FSD2: variants seen among roughly 807,000 people sequenced by gnomAD.
FSD2 encodes the protein fibronectin type III and SPRY domain containing 2, also known as fibronectin type III and SPRY domain-containing protein 2.
FSD2 carries 71 observed loss-of-function variants against 80.4 expected under a neutral mutation model. The observed-to-expected ratio is 0.88, with a 90% CI of 0.73 to 1.08. The LOEUF is 1.08. Ranked by LOEUF, FSD2 falls within the 50% of genes least tolerant of loss-of-function variation. The probability of loss-of-function intolerance (pLI) is 0.00; values close to 1 mark genes in which losing one functional copy is unlikely to be tolerated. For synonymous variants in FSD2, 361 were observed against 329.5 expected (o/e 1.10, Z -1.03); for missense variants, 923 against 913.8 (o/e 1.01, Z -0.13).
chr15:82,790,756 T>TG (rs2050127932), intron 1 of FSD2, among the ~76,000 whole-genome samples: 2 of 148,228 alleles, frequency 1.3e-5, no homozygotes, highest in African/African-American at 5.0e-5. Flanking sequence ...TTTTTTTTTT[T>TG]TTGTATTTTT....
rs766629023 is a variant in FSD2, at chr15:82,759,322, G to T, written c.*26C>A. The T allele has an allele frequency of 2.5e-6, 4 of 1,608,054 alleles. No individual in the cohort carries two copies. The East Asian group carries it at 6.7e-5, about 27-fold the overall frequency. ...AGCTGCGAGAGGGGTAGGCATGGAA[G>T]ACAGGAAACTGGACATCAGAATGTT... is the stretch of plus-strand genomic sequence containing the variant. On this transcript the variant is annotated 3_prime_UTR_variant, in exon 13 of 13. Coordinates refer to ENST00000334574, the MANE Select transcript of FSD2 (RefSeq NM_001007122.4).
At chr15:82,773,151 TC>T (rs955041485) in intron 6 of FSD2, among the ~76,000 whole-genome samples, 1 of 152,202 alleles carries the variant, frequency 6.6e-6, no homozygotes, top group Non-Finnish European at 1.5e-5. Flanking sequence ...CCCGGTCCTT[TC>T]CTCCATAATC....
At chr15:82,804,585 A>G (rs2151548900) in intron 1 of FSD2, among the ~76,000 whole-genome samples, 1 of 152,310 alleles carries the variant, frequency 6.6e-6, no homozygotes, top group East Asian at 1.9e-4. Flanking sequence ...CAGACAGAGG[A>G]GCAGTTCACT....
chr15:82,778,674 G>A, intron 6 of FSD2, 92 bp downstream of exon 6: 1 of 1,390,252 alleles, frequency 7.2e-7, no homozygotes, highest in Non-Finnish European at 9.7e-7. Context: ...TTTGTTAAGA[G>A]GATAGATCTC....
chr15:82,794,857 TG>T (rs1475098142), intron 1 of FSD2, among the ~76,000 whole-genome samples: 1 of 152,010 alleles, frequency 6.6e-6, no homozygotes, highest in Non-Finnish European at 1.5e-5. Context: ...CCCGAGTAGC[TG>T]GGACTACAGG....
chr15:82,772,040 A>C (rs1425549318), intron 7 of FSD2, 33 bp downstream of exon 7: 1 of 1,519,122 alleles, frequency 6.6e-7, no homozygotes, highest in African/African-American at 1.4e-5. Flanking sequence ...AACTGTTCCC[A>C]TGAGCACGGG....
chr15:82,776,676 G>A (rs2049721025), intron 6 of FSD2, among the ~76,000 whole-genome samples: 1 of 152,022 alleles, frequency 6.6e-6, no homozygotes, highest in African/African-American at 2.4e-5. Flanking sequence ...ATGATCTACA[G>A]ATTCAAGGCA....
intron 6 of FSD2, among the ~76,000 whole-genome samples, chr15:82,777,571 C>T (rs531339922): frequency 7.9e-5 from 12 of 152,224 alleles, no homozygotes; most frequent in African/African-American, 2.9e-4. Flanking sequence ...GGAGGCCGAC[C>T]GCGGTGGCTC....
At chr15:82,769,070 T>C (rs1361464128) in intron 8 of FSD2, 40 bp from the exon 9 acceptor site, 1 of 1,478,544 alleles carries the variant, frequency 6.8e-7, no homozygotes, top group Non-Finnish European at 9.0e-7. Flanking sequence ...AACTGTTGTG[T>C]TCATTTCCAG....
intron 1 of FSD2, 61 bp downstream of exon 1, chr15:82,805,905 C>A (rs1471318459): frequency 5.3e-5 from 8 of 152,210 alleles, no homozygotes; most frequent in Non-Finnish European, 2.9e-5. Context: ...ATTAATATTG[C>A]AGCATTGAGT....
At chr15:82,761,459 A>G (rs542937262) in intron 12 of FSD2, among the ~76,000 whole-genome samples, 1 of 152,316 alleles carries the variant, frequency 6.6e-6, no homozygotes, top group African/African-American at 2.4e-5. Context: ...ACATTTACTT[A>G]AAAAGATGGA....
At chr15:82,797,042 C>CAAAAA (rs1566981988) in intron 1 of FSD2, among the ~76,000 whole-genome samples, 10 of 107,786 alleles carry the variant, frequency 9.3e-5, no homozygotes, top group Non-Finnish European at 1.2e-4. Flanking sequence ...AAAAAAAAAA[C>CAAAAA]ACCTCCAGGG....
chr15:82,767,179 A>G (rs2049442652), intron 9 of FSD2, among the ~76,000 whole-genome samples: 1 of 152,246 alleles, frequency 6.6e-6, no homozygotes, highest in South Asian at 2.1e-4. Context: ...TGGGAAGAGC[A>G]GCATTCTTCA....
At chr15:82,804,228 C>T (rs903344526) in intron 1 of FSD2, among the ~76,000 whole-genome samples, 1 of 152,006 alleles carries the variant, frequency 6.6e-6, no homozygotes. Flanking sequence ...AGAACAGCCT[C>T]ATAACCACGC....
chr15:82,784,259 T>TA (rs199895311), intron 3 of FSD2, among the ~76,000 whole-genome samples: 9,178 of 140,894 alleles, frequency 0.065, 332 homozygotes, highest in East Asian at 0.14. Flanking sequence ...TATTTTATTT[T>TA]TTTTTTATGG....
chr15:82,759,392 C>G lies in FSD2; in HGVS notation c.2206G>C (p.Val736Leu). 6.2e-7 allele frequency: 1 copy of G among 1,613,694 alleles called. No homozygotes were observed. The highest frequency in any genetic ancestry group is 1.1e-5 in the South Asian group (1 of 91,012). The change falls in exon 13 of 13, where the codon GTA becomes CTA. Residue 736 changes from valine (V) to leucine (L), a missense_variant. Transcript: ENST00000334574. ...TTTGGCATTGAAATGCCATTATGTA[C>G]CTTTAGACACCCAGGCTTTTCCAAA... is the stretch of plus-strand genomic sequence containing the variant. ...FSLEKPGCLK[V>L]HNGISMPKHV...
At position 82,786,943 on chromosome 15, in the gene FSD2, A is replaced by G. The variant is rs762362118; in HGVS notation, c.448T>C (p.Tyr150His). The change falls in exon 2 of 13, where the codon TAT becomes CAT. Residue 150 changes from tyrosine (Y) to histidine (H), a missense_variant. Physicochemically the swap from Tyr to His is moderately conservative, Grantham distance 83 (BLOSUM62 2). Coordinates refer to ENST00000334574, the MANE Select transcript of FSD2 (RefSeq NM_001007122.4). Reference protein sequence around the residue: ...AGQCQDLREAYRYTHGRASEE... With the variant: ...AGQCQDLREAHRYTHGRASEE... The stretch of plus-strand genomic sequence containing the variant: ...CTGGCACGGCCGTGTGTGTACCTAT[A>G]GGCTTCCCGCAAGTCCTGGCACTGG... 1.5e-5 allele frequency: 25 copies of G among 1,613,950 alleles called. No homozygotes were observed. The highest frequency in any genetic ancestry group is 2.1e-5 in the Non-Finnish European group (25 of 1,179,876).
At chr15:82,760,228 GA>G (rs1483944963) in intron 12 of FSD2, among the ~76,000 whole-genome samples, 1 of 152,166 alleles carries the variant, frequency 6.6e-6, no homozygotes, top group African/African-American at 2.4e-5. Context: ...TTAGACATTT[GA>G]AACAGGGAAC....
At chr15:82,779,131 G>T (rs962885967) in intron 5 of FSD2, among the ~76,000 whole-genome samples, 2 of 152,058 alleles carry the variant, frequency 1.3e-5, no homozygotes, top group African/African-American at 4.8e-5. Context: ...CATGTCAGAG[G>T]GTGGGTAGAG....
Sources: gnomAD v4.1 joint callset for allele counts (sites outside exome capture counted in the v4.1 genomes callset) on GRCh38, gnomAD v4.1.1 for gene constraint, MANE v1.5 for transcripts, NCBI Gene and HGNC (gene_info 2026-07-23, HGNC 2026-07-21) for gene names.